AGBL4: variants seen among roughly 807,000 people sequenced by gnomAD.
AGBL4 encodes cytosolic carboxypeptidase 6.
Under a neutral mutation model 66.4 loss-of-function variants are expected in AGBL4, and 58 were observed. The observed-to-expected ratio is 0.87, with a 90% CI of 0.71 to 1.09. The LOEUF is 1.09. AGBL4 is among the 50% of genes least tolerant of loss of function. The probability of loss-of-function intolerance (pLI) is 0.00; values close to 1 mark genes in which losing one functional copy is unlikely to be tolerated. For synonymous variants in AGBL4, 234 were observed against 222.9 expected (o/e 1.05, Z -0.44); for missense variants, 579 against 631.0 (o/e 0.92, Z 0.88).
At chr1:48,933,703 C>G (rs974646185) in intron 5 of AGBL4, among the ~76,000 whole-genome samples, 1 of 152,288 alleles carries the variant, frequency 6.6e-6, no homozygotes, top group East Asian at 1.9e-4. Context: ...GTTTCTCTGT[C>G]AGGCCTCTGC....
intron 3 of AGBL4, among the ~76,000 whole-genome samples, chr1:49,297,352 T>C (rs1029938846): frequency 2.0e-5 from 3 of 152,152 alleles, no homozygotes; most frequent in African/African-American, 7.2e-5. Context: ...AGGAGAAAGT[T>C]ACAGACAGAT....
At chr1:48,667,684 C>T (rs1387645343) in intron 6 of AGBL4, among the ~76,000 whole-genome samples, 1 of 152,170 alleles carries the variant, frequency 6.6e-6, no homozygotes, top group Non-Finnish European at 1.5e-5. Flanking sequence ...CTATGTAGAC[C>T]TTAAGTAAGT....
At chr1:49,932,693 C>A (rs1653490228) in intron 1 of AGBL4, among the ~76,000 whole-genome samples, 2 of 152,044 alleles carry the variant, frequency 1.3e-5, no homozygotes, top group South Asian at 4.1e-4. Flanking sequence ...AAAATCCCAA[C>A]CCACTTTCCT....
At chr1:48,937,646 T>C (rs544414566) in intron 5 of AGBL4, among the ~76,000 whole-genome samples, 25 of 152,354 alleles carry the variant, frequency 1.6e-4, no homozygotes, top group African/African-American at 5.8e-4. Context: ...AATAAATCAC[T>C]TTTGATGACT....
chr1:48,550,845 C>A (rs1644239006), intron 11 of AGBL4, among the ~76,000 whole-genome samples: 2 of 152,186 alleles, frequency 1.3e-5, no homozygotes, highest in African/African-American at 4.8e-5. Context: ...CCAGATATGT[C>A]TAATTTCAGA....
chr1:49,653,238 C>T (rs1646046477), intron 3 of AGBL4, among the ~76,000 whole-genome samples: 1 of 152,092 alleles, frequency 6.6e-6, no homozygotes, highest in Admixed American at 6.5e-5. Context: ...GAAGAGGGGT[C>T]TGATTGCTAA....
intron 11 of AGBL4, among the ~76,000 whole-genome samples, chr1:48,550,391 A>G (rs138674531): frequency 6.6e-6 from 1 of 152,160 alleles, no homozygotes; most frequent in African/African-American, 2.4e-5. Flanking sequence ...TGATCATATC[A>G]TTCCCATCTC....
At chr1:48,783,577 C>CCA (rs1166603661) in intron 6 of AGBL4, among the ~76,000 whole-genome samples, 4 of 152,170 alleles carry the variant, frequency 2.6e-5, no homozygotes, top group Non-Finnish European at 5.9e-5. Context: ...TTTGCTGTAA[C>CCA]TTTAGGCAAG....
intron 1 of AGBL4, among the ~76,000 whole-genome samples, chr1:49,929,852 G>C (rs568819582): frequency 1.3e-5 from 2 of 152,150 alleles, no homozygotes; most frequent in South Asian, 4.1e-4. Context: ...AGGTCAGACG[G>C]ATAAAAATTG....
intron 6 of AGBL4, among the ~76,000 whole-genome samples, chr1:48,749,785 C>T (rs1651373789): frequency 6.6e-6 from 1 of 152,218 alleles, no homozygotes; most frequent in Admixed American, 6.5e-5. Flanking sequence ...TACTTCTCTC[C>T]TGCCCAACTA....
In AGBL4 at chr1:48,876,399, G is replaced by C. The variant is rs138296777; in HGVS notation, c.595-9169C>G. 2.0e-4 allele frequency among the ~76,000 whole-genome samples: 31 copies of C among 152,264 alleles called. 1 individual carries two copies. In the East Asian group the frequency reaches 5.8e-3, roughly 29 times the overall value. On this transcript the variant is annotated intron_variant, in intron 5 of 13. Transcript: ENST00000371839. ...TCACTTTCCTTTGCTCTGGAGGAAA[G>C]ACCCAGGCATCAAGAGGCAGCGAGA...
intron 3 of AGBL4, among the ~76,000 whole-genome samples, chr1:49,320,754 C>T (rs573197478): frequency 5.9e-5 from 9 of 152,246 alleles, no homozygotes; most frequent in Non-Finnish European, 1.2e-4. Flanking sequence ...AGTCCATTTT[C>T]ACACTGCTAT....
chr1:48,972,510 G>C (rs138179854), intron 5 of AGBL4, among the ~76,000 whole-genome samples: 1 of 152,056 alleles, frequency 6.6e-6, no homozygotes, highest in Non-Finnish European at 1.5e-5. Context: ...TCTCAATCCC[G>C]TGGGGTAGGC....
chr1:49,762,645 C>T (rs1207574709), intron 2 of AGBL4, among the ~76,000 whole-genome samples: 1 of 152,160 alleles, frequency 6.6e-6, no homozygotes, highest in Non-Finnish European at 1.5e-5. Context: ...ATCTCCTGAC[C>T]TCGTGCTCTG....
chr1:49,684,147 A>G (rs1410210028), intron 3 of AGBL4, among the ~76,000 whole-genome samples: 1 of 152,186 alleles, frequency 6.6e-6, no homozygotes, highest in Non-Finnish European at 1.5e-5. Flanking sequence ...ACCAATGTCT[A>G]TAAAGTTTCA....
At chr1:48,937,210 T>C (rs1655551080) in intron 5 of AGBL4, among the ~76,000 whole-genome samples, 1 of 152,218 alleles carries the variant, frequency 6.6e-6, no homozygotes, top group African/African-American at 2.4e-5. Flanking sequence ...GATGAGAATA[T>C]TAACCTCAGA....
At chr1:49,930,263 A>T (rs1473134630) in intron 1 of AGBL4, among the ~76,000 whole-genome samples, 1 of 152,122 alleles carries the variant, frequency 6.6e-6, no homozygotes, top group Non-Finnish European at 1.5e-5. Flanking sequence ...AACTCAGGAC[A>T]GAAAAATTAA....
rs1378501060 is a variant in AGBL4, at chr1:49,948,009, A to AATAT, written c.34+75750_34+75753dup. ...ATATTTATATATATAAATATATATA[A>AATAT]ATATATAAATATATATAAATATATA... On this transcript the variant is annotated intron_variant, in intron 1 of 13. Transcript: ENST00000371839. Among the ~76,000 whole-genome samples, 4 of 31,878 alleles carry AATAT rather than the reference A, an allele frequency of 1.3e-4. No individual in the cohort carries two copies. The African/African-American group carries it at 1.4e-3, about 11-fold the overall frequency. 20.9% of individuals were successfully genotyped at this position (31,878 alleles called of 152,430 possible).
intron 4 of AGBL4, among the ~76,000 whole-genome samples, chr1:49,162,597 T>A (rs919192487): frequency 6.6e-6 from 1 of 152,208 alleles, no homozygotes; most frequent in Non-Finnish European, 1.5e-5. Flanking sequence ...CCCACACAAA[T>A]CTGCCATTCC....
Sources: gnomAD v4.1 joint callset for allele counts (sites outside exome capture counted in the v4.1 genomes callset) on GRCh38, gnomAD v4.1.1 for gene constraint, MANE v1.5 for transcripts, NCBI Gene and HGNC (gene_info 2026-07-23, HGNC 2026-07-21) for gene names.